ID1: variants seen among roughly 807,000 people sequenced by gnomAD.
The protein encoded by ID1 is DNA-binding protein inhibitor ID-1.
ID1 carries 8 observed loss-of-function variants against 11.3 expected under a neutral mutation model. The ratio of observed to expected loss-of-function variants is 0.71; its 90% CI spans 0.42 to 1.28. The LOEUF (loss-of-function observed/expected upper bound fraction) is 1.28. ID1 is among the 50% of genes most tolerant of loss of function. The probability of loss-of-function intolerance (pLI) is 0.01; values close to 1 mark genes in which losing one functional copy is unlikely to be tolerated. For synonymous variants in ID1, 176 were observed against 100.2 expected, an observed-to-expected ratio of 1.76 and a Z score of -4.52; for missense variants, 347 against 219.8, an observed-to-expected ratio of 1.58 and a Z score of -3.66.
chr20:31,605,862 CGGA>C lies in ID1; in HGVS notation c.426+52_426+54del, dbSNP rs1405983790. Reference sequence around the variant, plus strand: ...GATCATCCTTATACCGACGGGGAAACGGAGGCCAGAGAGGGCGTGGGCGCTTGC... The same window carrying C: ...GATCATCCTTATACCGACGGGGAAACGGCCAGAGAGGGCGTGGGCGCTTGC... On this transcript the variant is annotated intron_variant, in intron 1 of 1. Coordinates refer to ENST00000376112, the MANE Select transcript of ID1 (RefSeq NM_002165.4). 3.8e-6 allele frequency: 6 copies of C among 1,595,678 alleles called. No individual in the cohort carries two copies. In the Admixed American group the frequency reaches 1.0e-4, roughly 27 times the overall value.
In ID1 at chr20:31,605,374, A is replaced by C. The variant is rs752806848; in HGVS notation, c.-14A>C. The C allele has an allele frequency of 6.3e-7, 1 of 1,593,778 alleles. No individual in the cohort carries two copies. The highest frequency in any genetic ancestry group is 8.5e-7 in the Non-Finnish European group (1 of 1,176,144). On this transcript the variant is annotated 5_prime_UTR_variant, in exon 1 of 2. Coordinates refer to ENST00000376112, the MANE Select transcript of ID1 (RefSeq NM_002165.4). ...TCGCTTTGCCCATTCTGTTTCAGCC[A>C]GTCGCCAAGAATCATGAAAGTCGCC...
rs1043717480 is a variant in ID1 at position 31,606,343 on chromosome 20, A to G, written c.*249A>G. 1.3e-5 allele frequency: 7 copies of G among 557,592 alleles called. No homozygotes were observed. The highest frequency in any genetic ancestry group is 3.5e-5 in the Admixed American group (1 of 28,550). The allele number at this position is 557,592 out of a possible 1,614,324, so 34.5% of individuals were successfully genotyped here. On this transcript the variant is annotated 3_prime_UTR_variant, in exon 2 of 2. Transcript: ENST00000376112. Reference sequence around the variant, plus strand: ...GGTGGGATTCCACTCGTGTGTTTCTATTTTTTGAAAAGCAGACATTTTAAA... The same window carrying G: ...GGTGGGATTCCACTCGTGTGTTTCTGTTTTTTGAAAAGCAGACATTTTAAA...
chr20:31,606,249 G>A lies in ID1; in HGVS notation c.*155G>A, dbSNP rs896230329. 3 of 748,838 alleles carry A rather than the reference G, an allele frequency of 4.0e-6. No individual in the cohort carries two copies. The highest frequency in any genetic ancestry group is 1.8e-5 in the African/African-American group (1 of 57,034). 46.4% of individuals were successfully genotyped at this position (748,838 alleles called of 1,614,324 possible). On this transcript the variant is annotated 3_prime_UTR_variant, in exon 2 of 2. Coordinates refer to ENST00000376112, the MANE Select transcript of ID1 (RefSeq NM_002165.4). ...CCTTAACTGCATCCAGCCTGGGGCT[G>A]AGGCTGAGGCACTGGCGAGGAGAGG...
At position 31,606,395 on chromosome 20, in the gene ID1, A is replaced by G; in HGVS notation, c.*301A>G. ...AATGGTCACGTTTGGTGCTTCTCAG[A>G]TTTCTGAGGAAATTGCTTTGTATTG... On this transcript the variant is annotated 3_prime_UTR_variant, in exon 2 of 2. Transcript: ENST00000376112. 2.0e-6 allele frequency: 1 copy of G among 504,254 alleles called. No homozygotes were observed. The highest frequency in any genetic ancestry group is 3.4e-5 in the East Asian group (1 of 29,412). 31.2% of individuals were successfully genotyped at this position (504,254 alleles called of 1,614,324 possible).
At position 31,606,240 on chromosome 20, in the gene ID1, C is replaced by T. The variant is rs558802902; in HGVS notation, c.*146C>T. 1.2e-5 allele frequency: 10 copies of T among 828,798 alleles called. No homozygotes were observed. Among genetic ancestry groups the T allele is most frequent in the South Asian group, 4.7e-5 (3 of 63,952 alleles). 51.3% of individuals were successfully genotyped at this position (828,798 alleles called of 1,614,324 possible). On this transcript the variant is annotated 3_prime_UTR_variant, in exon 2 of 2. Coordinates refer to ENST00000376112, the MANE Select transcript of ID1 (RefSeq NM_002165.4). Reference sequence around the variant, plus strand: ...CCACTGCGCCCTTAACTGCATCCAGCCTGGGGCTGAGGCTGAGGCACTGGC... The same window carrying T: ...CCACTGCGCCCTTAACTGCATCCAGTCTGGGGCTGAGGCTGAGGCACTGGC...
At position 31,605,518 on chromosome 20, in the gene ID1, G is replaced by A. The variant is rs1172556877; in HGVS notation, c.131G>A (p.Arg44His). 6 of 1,574,458 alleles carry A rather than the reference G, an allele frequency of 3.8e-6. No homozygotes were observed. The highest frequency in any genetic ancestry group is 5.2e-6 in the Non-Finnish European group (6 of 1,158,138). ...TCTGAGCAGAGCGTGGCCATCTCGC[G>A]CTGCGCCGGGGGCGCCGGGGCGCGC... ...CLSEQSVAIS[R>H]CAGGAGARLP... is the part of the protein sequence containing the mutation. The change falls in exon 1 of 2, where the codon CGC (arginine) becomes CAC (histidine). Residue 44 changes from arginine (R) to histidine (H), a missense_variant. Physicochemically the swap from Arg to His is conservative, Grantham distance 29. Coordinates refer to ENST00000376112, the MANE Select transcript of ID1 (RefSeq NM_002165.4).
Position 31,606,358 on chromosome 20 carries a change from G to A in ID1, c.*264G>A. ...GTGTGTTTCTATTTTTTGAAAAGCA[G>A]ACATTTTAAAAAATGGTCACGTTTG... On this transcript the variant is annotated 3_prime_UTR_variant, in exon 2 of 2. Coordinates refer to ENST00000376112, the MANE Select transcript of ID1 (RefSeq NM_002165.4). The A allele has an allele frequency of 3.6e-6, 2 of 549,886 alleles. No individual in the cohort carries two copies. The highest frequency in any genetic ancestry group is 6.6e-6 in the Non-Finnish European group (2 of 302,456). 34.1% of individuals were successfully genotyped at this position (549,886 alleles called of 1,614,324 possible). A position where few individuals can be genotyped will look rare whatever the true frequency, so the allele number is the denominator to read the frequency against.
In ID1 at chr20:31,606,033, A is replaced by G; in HGVS notation, c.427-20A>G. 6.2e-7 allele frequency: 1 copy of G among 1,612,864 alleles called. No individual in the cohort carries two copies. The highest frequency in any genetic ancestry group is 1.1e-5 in the South Asian group (1 of 91,056). ...GCGTCCCTTCCAACCCGCCGGTCTCATTTCTTCTCGTTTTCACAGGCGGCA... is the reference window on the plus strand; with the variant it reads ...GCGTCCCTTCCAACCCGCCGGTCTCGTTTCTTCTCGTTTTCACAGGCGGCA... On this transcript the variant is annotated intron_variant, in intron 1 of 1. Transcript: ENST00000376112.
At chr20:31,605,862 C>CG (rs1986086377) in intron 1 of ID1, 49 bp downstream of exon 1, 1 of 1,595,796 alleles carries the variant, frequency 6.3e-7, no homozygotes, top group East Asian at 2.3e-5. Flanking sequence ...GACGGGGAAA[C>CG]GGAGGCCAGA....
In ID1 at chr20:31,605,488, G is replaced by A. The variant is rs904488314; in HGVS notation, c.101G>A (p.Cys34Tyr). ...TASGAGEVVR[C>Y]LSEQSVAISR... ...AGCGGTGCGGGCGAGGTGGTGCGCT[G>A]TCTGTCTGAGCAGAGCGTGGCCATC... Residue 34 changes from cysteine (C) to tyrosine (Y), a missense_variant, in exon 1 of 2, where the codon TGT (cysteine) becomes TAT (tyrosine). By Grantham distance (194) the Cys-to-Tyr change is radical. Transcript: ENST00000376112. 3.7e-6 allele frequency: 6 copies of A among 1,605,256 alleles called. No homozygotes were observed. In the East Asian group the frequency reaches 1.1e-4, roughly 30 times the overall value.
rs1986102406 is a variant in ID1 at position 31,606,153 on chromosome 20, G to A, written c.*59G>A. 1.8e-5 allele frequency: 27 copies of A among 1,538,502 alleles called. No homozygotes were observed. The South Asian group carries it at 2.8e-4, about 16-fold the overall frequency. The stretch of plus-strand genomic sequence containing the variant: ...ATCCAGGGGGCAAGAGGAATTACGT[G>A]CTCTGTGGGTCTCCCCCAACGCGCC... On this transcript the variant is annotated 3_prime_UTR_variant, in exon 2 of 2. Coordinates refer to ENST00000376112, the MANE Select transcript of ID1 (RefSeq NM_002165.4).
rs757604081 is a variant in ID1, at chr20:31,606,091, C to G, written c.465C>G (p.Arg155=). 6.2e-7 allele frequency: 1 copy of G among 1,608,784 alleles called. No individual in the cohort carries two copies. Among genetic ancestry groups the G allele is most frequent in the South Asian group, 1.1e-5 (1 of 91,080 alleles). ...CVPADDRILC[R] The stretch of plus-strand genomic sequence containing the variant: ...CTGCGGACGATCGCATCTTGTGTCG[C>G]TGAAGCGCCTCCCCCAGGGACCGGC... Residue 155 remains arginine (R), a synonymous_variant, in exon 2 of 2, where the codon CGC becomes CGG. Transcript: ENST00000376112.
In ID1 at chr20:31,605,378, G is replaced by A. The variant is rs377259445; in HGVS notation, c.-10G>A. The A allele has an allele frequency of 1.8e-5, 28 of 1,594,640 alleles. No individual in the cohort carries two copies. The highest frequency in any genetic ancestry group is 3.6e-4 in the Middle Eastern group (2 of 5,596). The stretch of plus-strand genomic sequence containing the variant: ...TTTGCCCATTCTGTTTCAGCCAGTC[G>A]CCAAGAATCATGAAAGTCGCCAGTG... On this transcript the variant is annotated 5_prime_UTR_variant, in exon 1 of 2. Transcript: ENST00000376112.
In ID1 at chr20:31,605,422, C is replaced by T; in HGVS notation, c.35C>T (p.Ala12Val). 6 of 1,606,004 alleles carry T rather than the reference C, an allele frequency of 3.7e-6. No homozygotes were observed. Among genetic ancestry groups the T allele is most frequent in the South Asian group, 1.1e-5 (1 of 90,824 alleles). The change falls in exon 1 of 2, where the codon GCC becomes GTC. Residue 12 changes from alanine (A) to valine (V), a missense_variant. Coordinates refer to ENST00000376112, the MANE Select transcript of ID1 (RefSeq NM_002165.4). Reference protein sequence around the residue: ...KVASGSTATAAAGPSCALKAG... With the variant: ...KVASGSTATAVAGPSCALKAG... ...GCCAGTGGCAGCACCGCCACCGCCG[C>T]CGCGGGCCCCAGCTGCGCGCTGAAG...
chr20:31,606,455 T>C lies in ID1; in HGVS notation c.*361T>C, dbSNP rs1190534515. The C allele has an allele frequency of 2.1e-5, 6 of 283,136 alleles. No homozygotes were observed. The highest frequency in any genetic ancestry group is 3.5e-5 in the Non-Finnish European group (5 of 140,956). The allele number at this position is 283,136 out of a possible 1,614,324, so 17.5% of individuals were successfully genotyped here. ...ATGATCACCGACTGAAAATATTGTT[T>C]TACAATAGTTCTGTGGGGCTGTTTT... On this transcript the variant is annotated 3_prime_UTR_variant, in exon 2 of 2. Transcript: ENST00000376112.
chr20:31,606,476 GTTTT>G lies in ID1; in HGVS notation c.*386_*389del. On this transcript the variant is annotated 3_prime_UTR_variant, in exon 2 of 2. Transcript: ENST00000376112. ...TGTTTTACAATAGTTCTGTGGGGCT[GTTTT>G]TTTGTTATTAAACAAATAATTTAGA... 1 of 232,640 alleles carries G rather than the reference GTTTT, an allele frequency of 4.3e-6. No individual in the cohort carries two copies. Among genetic ancestry groups the G allele is most frequent in the South Asian group, 1.1e-4 (1 of 9,182 alleles). The allele number at this position is 232,640 out of a possible 1,614,324, so 14.4% of individuals were successfully genotyped here.
rs992992658 is a variant in ID1, at chr20:31,605,624, G to A, written c.237G>A (p.Leu79=). Residue 79 remains leucine (L), a synonymous_variant, in exon 1 of 2, where the codon CTG becomes CTA. Transcript: ENST00000376112. ...GCTGTTACTCACGCCTCAAGGAGCT[G>A]GTGCCCACCCTGCCCCAGAACCGCA... ...MNGCYSRLKE[L]VPTLPQNRKV... 2 of 1,588,984 alleles carry A rather than the reference G, an allele frequency of 1.3e-6. No homozygotes were observed. The highest frequency in any genetic ancestry group is 8.6e-7 in the Non-Finnish European group (1 of 1,168,156).
Position 31,606,025 on chromosome 20 carries a change from C to T in ID1, c.427-28C>T, listed in dbSNP as rs763241562. 5 of 1,613,004 alleles carry T rather than the reference C, an allele frequency of 3.1e-6. No individual in the cohort carries two copies. In the South Asian group the frequency reaches 5.5e-5, roughly 18 times the overall value. ...TCGGAGCGGCGTCCCTTCCAACCCG[C>T]CGGTCTCATTTCTTCTCGTTTTCAC... On this transcript the variant is annotated intron_variant, in intron 1 of 1. Coordinates refer to ENST00000376112, the MANE Select transcript of ID1 (RefSeq NM_002165.4).
Position 31,605,327 on chromosome 20 carries a change from T to C in ID1, c.-61T>C. On this transcript the variant is annotated 5_prime_UTR_variant, in exon 1 of 2. Coordinates refer to ENST00000376112, the MANE Select transcript of ID1 (RefSeq NM_002165.4). ...AACTGTTCCATTTTCCGTATCTGCT[T>C]CGGGCTTCCACCTCATTTTTTTCGC... The C allele has an allele frequency of 1.4e-6, 2 of 1,473,678 alleles. No individual in the cohort carries two copies. The highest frequency in any genetic ancestry group is 1.8e-6 in the Non-Finnish European group (2 of 1,089,898). 91.3% of individuals were successfully genotyped at this position (1,473,678 alleles called of 1,614,324 possible). A position where few individuals can be genotyped will look rare whatever the true frequency, so the allele number is the denominator to read the frequency against.
Sources: allele counts gnomAD v4.1 joint callset, GRCh38; gene constraint gnomAD v4.1.1; transcripts MANE v1.5; gene names NCBI Gene and HGNC (gene_info 2026-07-23, HGNC 2026-07-21).